The following GRM2 variants were observed in gnomAD, a reference collection of about 807,000 sequenced individuals.
GRM2 encodes the protein glutamate metabotropic receptor 2, also known as metabotropic glutamate receptor 2.
Under a neutral mutation model 60.4 loss-of-function variants are expected in GRM2, and 35 were observed. The observed-to-expected ratio is 0.58, with a 90% CI of 0.44 to 0.77. GRM2 has a LOEUF of 0.77. GRM2 is among the 30% of genes least tolerant of loss of function. GRM2 has a pLI of 0.00. For missense variants in GRM2, 925 were observed against 1,199.5 expected (o/e 0.77, Z 3.38); for synonymous variants, 437 against 484.1 (o/e 0.90, Z 1.28).
intron 2 of GRM2, 114 bp downstream of exon 2, chr3:51,709,547 C>G (rs1323433993): frequency 5.5e-6 from 4 of 731,116 alleles, no homozygotes; most frequent in Non-Finnish European, 8.7e-6. Context: ...AAACTAGAAG[C>G]TTCCTTGCAG....
chr3:51,716,050 C>A lies in GRM2; in HGVS notation c.2277C>A (p.Ala759=). The change falls in exon 4 of 6, where the codon GCC becomes GCA. Residue 759 remains alanine, a synonymous_variant. Transcript: ENST00000395052. The surrounding 1 kb of genome is among the most constrained non-coding windows in gnomAD (Gnocchi z 4.0). The stretch of plus-strand genomic sequence containing the variant: ...AGTGCCCCGAAAACTTCAACGAGGC[C>A]AAGTTCATTGGCTTCACCATGTACA... ...TRKCPENFNE[A]KFIGFTMYTT... is the part of the protein sequence containing the mutation. 2 of 1,614,224 alleles carry A rather than the reference C, an allele frequency of 1.2e-6. No individual in the cohort carries two copies. Among genetic ancestry groups the A allele is most frequent in the Non-Finnish European group, 1.7e-6 (2 of 1,180,026 alleles).
At position 51,712,866 on chromosome 3, in the gene GRM2, A is replaced by T; in HGVS notation, c.844A>T (p.Ser282Cys). The T allele has an allele frequency of 6.2e-7, 1 of 1,612,948 alleles. No individual in the cohort carries two copies. Among genetic ancestry groups the T allele is most frequent in the African/African-American group, 1.3e-5 (1 of 75,048 alleles). ...GGATGCCCGGGAGCTGCTTGCTGCCAGCCAGCGCCTCAATGCCAGCTTCAC... is the reference window on the plus strand; with the variant it reads ...GGATGCCCGGGAGCTGCTTGCTGCCTGCCAGCGCCTCAATGCCAGCTTCAC... Reference protein sequence around the residue: ...SEDARELLAASQRLNASFTWV... With the variant: ...SEDARELLAACQRLNASFTWV... The change falls in exon 3 of 6, where the codon AGC becomes TGC. Residue 282 changes from serine to cysteine, a missense_variant. Transcript: ENST00000395052. The surrounding 1 kb of genome is among the most constrained non-coding windows in gnomAD (Gnocchi z 5.3).
In GRM2 at chr3:51,715,560, C is replaced by T; in HGVS notation, c.1787C>T (p.Pro596Leu). ...GTCTTTGTGCGGCACAATGCCACACCAGTGGTCAAGGCCTCAGGTCGGGAG... is the reference window on the plus strand; with the variant it reads ...GTCTTTGTGCGGCACAATGCCACACTAGTGGTCAAGGCCTCAGGTCGGGAG... The part of the protein sequence containing the change: ...LGVFVRHNAT[P>L]VVKASGRELC... Residue 596 changes from proline (P) to leucine (L), a missense_variant, in exon 4 of 6, where the codon CCA (proline) becomes CTA (leucine). Pro to Leu is a moderately conservative substitution (Grantham distance 98). Transcript: ENST00000395052. The surrounding 1 kb of genome is among the most constrained non-coding windows in gnomAD (Gnocchi z 9.0). 6.2e-7 allele frequency: 1 copy of T among 1,614,076 alleles called. No homozygotes were observed. The highest frequency in any genetic ancestry group is 1.1e-5 in the South Asian group (1 of 91,090).
rs928269897 is a variant in GRM2, at chr3:51,716,759, C to A, written c.2364+622C>A. Reference sequence around the variant, plus strand: ...TAATCTTCATAACTTGAGTAAGCTCCATGGCTCTCCCGTTTTACAGATGAA... The same window carrying A: ...TAATCTTCATAACTTGAGTAAGCTCAATGGCTCTCCCGTTTTACAGATGAA... On this transcript the variant is annotated intron_variant, in intron 4 of 5. Coordinates refer to ENST00000395052, the MANE Select transcript of GRM2 (RefSeq NM_000839.5). This position sits in a 1 kb window ranked among gnomAD's most constrained non-coding sequence, Gnocchi z 4.0. Among the ~76,000 whole-genome samples, 4 of 152,212 alleles carry A rather than the reference C, an allele frequency of 2.6e-5. No individual in the cohort carries two copies. Among genetic ancestry groups the A allele is most frequent in the African/African-American group, 9.7e-5 (4 of 41,446 alleles).
In GRM2 at chr3:51,712,344, T is replaced by G. The variant is rs1703738352; in HGVS notation, c.451-129T>G. The G allele has an allele frequency of 2.9e-6, 2 of 693,712 alleles. No individual in the cohort carries two copies. The highest frequency in any genetic ancestry group is 5.1e-6 in the Non-Finnish European group (2 of 390,746). The allele number at this position is 693,712 out of a possible 1,614,324, so 43.0% of individuals were successfully genotyped here. On this transcript the variant is annotated intron_variant, in intron 2 of 5. Coordinates refer to ENST00000395052, the MANE Select transcript of GRM2 (RefSeq NM_000839.5). This position sits in a 1 kb window ranked among gnomAD's most constrained non-coding sequence, Gnocchi z 5.3. ...AGACTGTCAAGTCAGGATGCAGGGC[T>G]TTAGAGAGGGAGCCTTTAGGCCTGA...
At chr3:51,708,275 A>T (rs1703574583) in intron 1 of GRM2, 1 of 152,072 alleles carries the variant, frequency 6.6e-6, no homozygotes, top group South Asian at 2.1e-4. Context: ...TCAGTCAGCA[A>T]ACTGTGGGGA....
At chr3:51,714,131 A>G (rs1703818993) in intron 3 of GRM2, 1 of 338,082 alleles carries the variant, frequency 3.0e-6, no homozygotes, top group Non-Finnish European at 5.9e-6. Flanking sequence ...AGTACTTCCA[A>G]TAGAACTGAC....
At position 51,715,762 on chromosome 3, in the gene GRM2, G is replaced by C. The variant is rs368168239; in HGVS notation, c.1989G>C (p.Gly663=). Residue 663 remains glycine (G), a synonymous_variant, in exon 4 of 6, where the codon GGG becomes GGC. Transcript: ENST00000395052. This position sits in a 1 kb window ranked among gnomAD's most constrained non-coding sequence, Gnocchi z 9.0. The part of the protein sequence containing the change: ...KTNRIARIFG[G]AREGAQRPRF... ...ACCGCATTGCACGCATCTTCGGTGGGGCCCGGGAGGGTGCCCAGCGGCCAC... is the reference window on the plus strand; with the variant it reads ...ACCGCATTGCACGCATCTTCGGTGGCGCCCGGGAGGGTGCCCAGCGGCCAC... The C allele has an allele frequency of 3.1e-6, 5 of 1,613,358 alleles. No homozygotes were observed. In the African/African-American group the frequency reaches 6.7e-5, roughly 22 times the overall value.
Position 51,712,832 on chromosome 3 carries a change from C to T in GRM2, c.810C>T (p.Thr270=), listed in dbSNP as rs144318570. ...GTGCCCGCGTGGCTGTCCTGTTCACCCGTTCTGAGGATGCCCGGGAGCTGC... is the reference window on the plus strand; with the variant it reads ...GTGCCCGCGTGGCTGTCCTGTTCACTCGTTCTGAGGATGCCCGGGAGCTGC... The part of the protein sequence containing the change: ...KPSARVAVLF[T]RSEDARELLA... The change falls in exon 3 of 6, where the codon ACC becomes ACT. Residue 270 remains threonine (T), a synonymous_variant. Coordinates refer to ENST00000395052, the MANE Select transcript of GRM2 (RefSeq NM_000839.5). This position sits in a 1 kb window ranked among gnomAD's most constrained non-coding sequence, Gnocchi z 5.3. 730 of 1,612,938 alleles carry T rather than the reference C, an allele frequency of 4.5e-4. 5 individuals are homozygous for T. In the African/African-American group the frequency reaches 8.4e-3, roughly 19 times the overall value.
rs1409291049 is a variant in GRM2 at position 51,707,176 on chromosome 3, A to AGCCGGTGGTGGTGGT, written c.-137+14_-137+28dup. ...CAGAGCCAGCGCGCCAGGTAGGGTG[A>AGCCGGTGGTGGTGGT]GCCGGTGGTGGTGGTGCCGCTGCCG... On this transcript the variant is annotated intron_variant, in intron 1 of 5. Coordinates refer to ENST00000395052, the MANE Select transcript of GRM2 (RefSeq NM_000839.5). 1.3e-5 allele frequency: 2 copies of AGCCGGTGGTGGTGGT among 151,610 alleles called. No homozygotes were observed. The highest frequency in any genetic ancestry group is 2.9e-5 in the Non-Finnish European group (2 of 68,006). 9.4% of individuals were successfully genotyped at this position (151,610 alleles called of 1,614,324 possible).
rs78784946 is a variant in GRM2, at chr3:51,708,950, A to C, written c.-34A>C. The C allele has an allele frequency of 9.1e-4, 1,347 of 1,487,104 alleles. 14 individuals carry two copies. In the East Asian group the frequency reaches 0.022, roughly 25 times the overall value. 92.1% of individuals were successfully genotyped at this position (1,487,104 alleles called of 1,614,324 possible). Reference sequence around the variant, plus strand: ...TTCTAATCTCATCCCCTGGAGACCCAGGTCTGCGGGACCCATCCATCCCCT... The same window carrying C: ...TTCTAATCTCATCCCCTGGAGACCCCGGTCTGCGGGACCCATCCATCCCCT... On this transcript the variant is annotated 5_prime_UTR_variant, in exon 2 of 6. Coordinates refer to ENST00000395052, the MANE Select transcript of GRM2 (RefSeq NM_000839.5).
At position 51,713,405 on chromosome 3, in the gene GRM2, A is replaced by G; in HGVS notation, c.1288+95A>G. The G allele has an allele frequency of 1.1e-6, 1 of 910,188 alleles. No homozygotes were observed. Among genetic ancestry groups the G allele is most frequent in the South Asian group, 1.7e-5 (1 of 59,298 alleles). 56.4% of individuals were successfully genotyped at this position (910,188 alleles called of 1,614,324 possible). ...TCCATTCCTTTGCTAAGGAAACAGT[A>G]GAGTGAAAGTAAAGGACTCACCTGG... On this transcript the variant is annotated intron_variant, in intron 3 of 5. Transcript: ENST00000395052. This position sits in a 1 kb window ranked among gnomAD's most constrained non-coding sequence, Gnocchi z 4.8.
At chr3:51,711,985 G>A (rs1703725285) in intron 2 of GRM2, among the ~76,000 whole-genome samples, 1 of 152,216 alleles carries the variant, frequency 6.6e-6, no homozygotes, top group Non-Finnish European at 1.5e-5. Context: ...AGGGCCACCG[G>A]ACCCTGGGAT....
chr3:51,707,327 G>C (rs1352949325), intron 1 of GRM2, 160 bp downstream of exon 1: 1 of 152,818 alleles, frequency 6.5e-6, no homozygotes, highest in East Asian at 1.9e-4. Context: ...AGACAGCCCC[G>C]GGCGTCCCGC....
chr3:51,711,216 G>A (rs910932141), intron 2 of GRM2: 3 of 152,214 alleles, frequency 2.0e-5, no homozygotes, highest in East Asian at 1.9e-4. Flanking sequence ...GAGGTGGCTA[G>A]GCAGCTGTCC....
At position 51,712,637 on chromosome 3, in the gene GRM2, C is replaced by A; in HGVS notation, c.615C>A (p.Thr205=). 3 of 1,614,088 alleles carry A rather than the reference C, an allele frequency of 1.9e-6. No individual in the cohort carries two copies. Among genetic ancestry groups the A allele is most frequent in the Non-Finnish European group, 2.5e-6 (3 of 1,180,012 alleles). ...MAEILRFFNW[T]YVSTVASEGD... ...AGATTCTCCGCTTCTTCAACTGGAC[C>A]TATGTGTCCACTGTGGCGTCTGAGG... Residue 205 remains threonine, a synonymous_variant, in exon 3 of 6, where the codon ACC becomes ACA. Transcript: ENST00000395052. This position sits in a 1 kb window ranked among gnomAD's most constrained non-coding sequence, Gnocchi z 5.3.
In GRM2 at chr3:51,718,422, C is replaced by A. The variant is rs1461709145; in HGVS notation, c.*310C>A. The A allele has an allele frequency of 5.1e-6, 2 of 389,432 alleles. No homozygotes were observed. The highest frequency in any genetic ancestry group is 5.3e-5 in the East Asian group (1 of 18,826). 24.1% of individuals were successfully genotyped at this position (389,432 alleles called of 1,614,324 possible). On this transcript the variant is annotated 3_prime_UTR_variant, in exon 6 of 6. Transcript: ENST00000395052. The surrounding 1 kb of genome is among the most constrained non-coding windows in gnomAD (Gnocchi z 4.2). Reference sequence around the variant, plus strand: ...GACCCGGGTGGCTGAGGACGGCAGGCCCCAGTCCTAACCAGCAAAGGTGCT... The same window carrying A: ...GACCCGGGTGGCTGAGGACGGCAGGACCCAGTCCTAACCAGCAAAGGTGCT...
chr3:51,707,146 C>T lies in GRM2; in HGVS notation c.-158C>T, dbSNP rs1397920893. The T allele has an allele frequency of 1.3e-5, 2 of 152,440 alleles. No homozygotes were observed. The highest frequency in any genetic ancestry group is 6.5e-5 in the Admixed American group (1 of 15,278). 9.4% of individuals were successfully genotyped at this position (152,440 alleles called of 1,614,324 possible). ...CCCCCCGCTCCACTCCGATTCTCTC[C>T]GCGCCAGAGCCAGCGCGCCAGGTAG... On this transcript the variant is annotated 5_prime_UTR_variant, in exon 1 of 6. Transcript: ENST00000395052.
rs966505436 is a variant in GRM2 at position 51,709,412 on chromosome 3, C to A, written c.429C>A (p.Ser143=). The A allele has an allele frequency of 1.9e-6, 3 of 1,562,300 alleles. No homozygotes were observed. In the East Asian group the frequency reaches 6.9e-5, roughly 36 times the overall value. Residue 143 remains serine (S), a synonymous_variant, in exon 2 of 6, where the codon TCC becomes TCA. Transcript: ENST00000395052. ...CCATCACTGGTGTTATTGGCGGTTC[C>A]TACAGTGATGTCTCCATCCAGGTAC... The part of the protein sequence containing the change: ...PTAITGVIGG[S]YSDVSIQVAN...
Sources: gnomAD v4.1 joint callset for allele counts (sites outside exome capture counted in the v4.1 genomes callset) on GRCh38, gnomAD v4.1.1 for gene constraint, Gnocchi (gnomAD v3.1) non-coding constraint, MANE v1.5 for transcripts, NCBI Gene and HGNC (gene_info 2026-07-23, HGNC 2026-07-21) for gene names.